The following ADK variants were observed in gnomAD, a reference collection of about 807,000 sequenced individuals.
ADK encodes the protein adenosine kinase, also known as N6,N6-dimethyladenosine kinase.
Under a neutral mutation model 44.7 loss-of-function variants are expected in ADK, and 24 were observed. The ratio of observed to expected loss-of-function variants is 0.54; its 90% CI spans 0.39 to 0.76. The LOEUF is 0.76. ADK is among the 30% of genes least tolerant of loss of function. The pLI, the probability that ADK is intolerant of heterozygous loss-of-function variation, is 0.00. For synonymous variants in ADK, 128 were observed against 142.6 expected, an observed-to-expected ratio of 0.90 and a Z score of 0.73; for missense variants, 321 against 425.1, an observed-to-expected ratio of 0.76 and a Z score of 2.15.
At chr10:74,479,395 GTT>G (rs557302014) in intron 6 of ADK, among the ~76,000 whole-genome samples, 15 of 117,224 alleles carry the variant, frequency 1.3e-4, no homozygotes, top group African/African-American at 4.4e-4. Flanking sequence ...TTTTTTGTTG[GTT>G]TTTTTTTTTT....
chr10:74,705,229 T>A (rs978379661), intron 10 of ADK, among the ~76,000 whole-genome samples: 27 of 152,230 alleles, frequency 1.8e-4, no homozygotes, highest in Middle Eastern at 3.2e-3. Context: ...CCCAGAAGCC[T>A]AGCTGCAGCA....
At chr10:74,501,386 A>C (rs1004847486) in intron 6 of ADK, among the ~76,000 whole-genome samples, 1 of 152,196 alleles carries the variant, frequency 6.6e-6, no homozygotes, top group Non-Finnish European at 1.5e-5. Context: ...TTTCGTGTTT[A>C]TAAAATTTCC....
intron 7 of ADK, among the ~76,000 whole-genome samples, chr10:74,557,780 T>C (rs2133806310): frequency 6.6e-6 from 1 of 152,228 alleles, no homozygotes. Flanking sequence ...TGTTAATCAA[T>C]ACATAGAGGT....
intron 7 of ADK, among the ~76,000 whole-genome samples, chr10:74,579,658 A>G (rs983067214): frequency 1.3e-5 from 2 of 152,220 alleles, no homozygotes; most frequent in Admixed American, 6.5e-5. Context: ...CTGAATGGAG[A>G]CAAAGCCAAG....
At position 74,632,389 on chromosome 10, in the gene ADK, A is replaced by G. The variant is rs190728358; in HGVS notation, c.877+31896A>G. On this transcript the variant is annotated intron_variant, in intron 9 of 10. Coordinates refer to ENST00000539909, the MANE Select transcript of ADK (RefSeq NM_006721.4). Reference sequence around the variant, plus strand: ...CAAAGTGAGTGGCTTAAAAGAACAAAAATTTATTATTTCACAGTTCTGAAG... The same window carrying G: ...CAAAGTGAGTGGCTTAAAAGAACAAGAATTTATTATTTCACAGTTCTGAAG... 5.1e-3 allele frequency among the ~76,000 whole-genome samples: 772 copies of G among 152,286 alleles called. 9 individuals carry two copies. The highest frequency in any genetic ancestry group is 0.018 in the African/African-American group (734 of 41,554).
chr10:74,628,532 T>C (rs1230947697), intron 9 of ADK, among the ~76,000 whole-genome samples: 1 of 151,484 alleles, frequency 6.6e-6, no homozygotes, highest in Non-Finnish European at 1.5e-5. Flanking sequence ...CTCACCTGGA[T>C]TAAGTTTTTT....
chr10:74,394,374 G>A, intron 5 of ADK, 61 bp downstream of exon 5: 1 of 1,505,934 alleles, frequency 6.6e-7, no homozygotes, highest in Non-Finnish European at 9.2e-7. Flanking sequence ...GGTAAAATAT[G>A]AATTCCAATG....
intron 1 of ADK, among the ~76,000 whole-genome samples, chr10:74,156,993 G>T (rs1479849444): frequency 6.6e-6 from 1 of 152,202 alleles, no homozygotes; most frequent in Non-Finnish European, 1.5e-5. Context: ...GGGGACCTAG[G>T]GTCAGATGCT....
chr10:74,402,741 TTC>T (rs1263314384), intron 6 of ADK, among the ~76,000 whole-genome samples: 6 of 152,346 alleles, frequency 3.9e-5, no homozygotes, highest in African/African-American at 1.4e-4. Context: ...TGAAGCCTTC[TTC>T]TCTCAACTCG....
intron 4 of ADK, among the ~76,000 whole-genome samples, chr10:74,355,160 A>G (rs1298839688): frequency 6.6e-6 from 1 of 152,278 alleles, no homozygotes; most frequent in Non-Finnish European, 1.5e-5. Flanking sequence ...TGAAGAGTTT[A>G]TTATTTGGCT....
At chr10:74,186,437 G>T (rs1018157543) in intron 1 of ADK, among the ~76,000 whole-genome samples, 3 of 151,856 alleles carry the variant, frequency 2.0e-5, no homozygotes, top group Non-Finnish European at 2.9e-5. Context: ...GCACCACCAC[G>T]CCTGGCTATT....
intron 9 of ADK, among the ~76,000 whole-genome samples, chr10:74,639,894 T>A (rs961683949): frequency 2.6e-4 from 39 of 151,848 alleles, no homozygotes; most frequent in Admixed American, 2.6e-4. Flanking sequence ...GTAGCAAGAG[T>A]GAGTATGCCA....
At chr10:74,343,174 G>C (rs1366755185) in intron 4 of ADK, among the ~76,000 whole-genome samples, 1 of 151,304 alleles carries the variant, frequency 6.6e-6, no homozygotes, top group Non-Finnish European at 1.5e-5. Context: ...TTTTTTTTTA[G>C]CGTTTTTATC....
chr10:74,347,082 G>T (rs1323150297), intron 4 of ADK, among the ~76,000 whole-genome samples: 1 of 124,492 alleles, frequency 8.0e-6, no homozygotes, highest in African/African-American at 3.7e-5. Context: ...ACTCCAGCCT[G>T]GGCGACAGAG....
intron 4 of ADK, among the ~76,000 whole-genome samples, chr10:74,354,768 A>G (rs1842078615): frequency 6.6e-6 from 1 of 152,318 alleles, no homozygotes; most frequent in Admixed American, 6.5e-5. Context: ...TATAGCTCCA[A>G]TATTTCATGG....
At chr10:74,531,276 G>A (rs1448773583) in intron 7 of ADK, among the ~76,000 whole-genome samples, 1 of 152,098 alleles carries the variant, frequency 6.6e-6, no homozygotes, top group Non-Finnish European at 1.5e-5. Flanking sequence ...AGTATTAAAA[G>A]GAATTTTGTC....
rs145541369 is a variant in ADK at position 74,361,877 on chromosome 10, T to C, written c.274-32264T>C. Among the ~76,000 whole-genome samples, 43 of 152,370 alleles carry C rather than the reference T, an allele frequency of 2.8e-4. 1 individual carries two copies. In the East Asian group the frequency reaches 7.7e-3, roughly 27 times the overall value. ...TTCTTCTCCACCAGCATTCCAAATA[T>C]ATTCTTCCACATTTTCCTGGCTTAT... On this transcript the variant is annotated intron_variant, in intron 4 of 10. Transcript: ENST00000539909.
intron 7 of ADK, chr10:74,527,837 G>GT: frequency 8.6e-7 from 1 of 1,163,854 alleles, no homozygotes. Flanking sequence ...TTGCTTCCAA[G>GT]TGTCTTGAAG....
rs1401635840 is a variant in ADK, at chr10:74,652,046, C to CTTTTTTTTTTTT, written c.878-18134_878-18133insTTTTTTTTTTTT. Among the ~76,000 whole-genome samples, 3 of 138,554 alleles carry CTTTTTTTTTTTT rather than the reference C, an allele frequency of 2.2e-5. 1 individual carries two copies. Among genetic ancestry groups the CTTTTTTTTTTTT allele is most frequent in the African/African-American group, 8.3e-5 (3 of 36,218 alleles). 90.9% of individuals were successfully genotyped at this position (138,554 alleles called of 152,430 possible). A position where few individuals can be genotyped will look rare whatever the true frequency, so the allele number is the denominator to read the frequency against. ...GAAGGGATATGAAGGAACTTTCTTT[C>CTTTTTTTTTTTT]TTTCTTTTTTTTTTTTTTTGAGACA... On this transcript the variant is annotated intron_variant, in intron 9 of 10. Coordinates refer to ENST00000539909, the MANE Select transcript of ADK (RefSeq NM_006721.4).
Sources: gnomAD v4.1 joint callset for allele counts (sites outside exome capture counted in the v4.1 genomes callset) on GRCh38, gnomAD v4.1.1 for gene constraint, MANE v1.5 for transcripts, NCBI Gene and HGNC (gene_info 2026-07-23, HGNC 2026-07-21) for gene names.